The following MYBPC1 variants were observed in gnomAD, a reference collection of about 807,000 sequenced individuals.
MYBPC1 encodes the protein myosin-binding protein C, slow-type.
MYBPC1 carries 52 observed loss-of-function variants against 147.1 expected under a neutral mutation model. The observed-to-expected ratio is 0.35, with a 90% confidence interval of 0.28 to 0.45. The LOEUF (loss-of-function observed/expected upper bound fraction) is 0.45, where lower values mean the gene tolerates loss of function less well. MYBPC1 is among the 20% of genes least tolerant of loss of function. The pLI, the probability that MYBPC1 is intolerant of heterozygous loss-of-function variation, is 1.00. For synonymous variants in MYBPC1, 477 were observed against 475.9 expected (o/e 1.00, Z -0.03); for missense variants, 1,228 against 1,440.3 (o/e 0.85, Z 2.39).
intron 2 of MYBPC1, among the ~76,000 whole-genome samples, chr12:101,615,475 T>A (rs1251484921): frequency 6.6e-6 from 1 of 152,150 alleles, no homozygotes; most frequent in Non-Finnish European, 1.5e-5. Flanking sequence ...GACATACCTA[T>A]CATGTACGTA....
intron 20 of MYBPC1, among the ~76,000 whole-genome samples, chr12:101,661,916 G>GAAAGAAAGA (rs34570818): frequency 0.19 from 23,323 of 123,560 alleles, 2,276 homozygotes; most frequent in Middle Eastern, 0.28. Flanking sequence ...AAAAAAAAAA[G>GAAAGAAAGA]AAAGAAAAAA....
In MYBPC1 at chr12:101,624,087, A is replaced by G. The variant is rs80217229; in HGVS notation, c.104-2785A>G. On this transcript the variant is annotated intron_variant, in intron 3 of 31. Coordinates refer to ENST00000361466, the MANE Select transcript of MYBPC1 (RefSeq NM_002465.4). ...TTGAGATATCCTGCAGTAAACACAT[A>G]AACACAAAACAATAAAATACAAGCA... is the stretch of plus-strand genomic sequence containing the variant. Among the ~76,000 whole-genome samples, 520 of 152,296 alleles carry G rather than the reference A, an allele frequency of 3.4e-3. 9 individuals carry two copies. In the East Asian group the frequency reaches 0.044, roughly 13 times the overall value.
intron 3 of MYBPC1, among the ~76,000 whole-genome samples, chr12:101,621,443 G>A (rs1315437865): frequency 6.6e-6 from 1 of 152,154 alleles, no homozygotes; most frequent in Admixed American, 6.5e-5. Flanking sequence ...TTAACCGAAT[G>A]CCTCAAAACA....
At chr12:101,606,109 C>A (rs1882042081) in intron 1 of MYBPC1, among the ~76,000 whole-genome samples, 1 of 151,770 alleles carries the variant, frequency 6.6e-6, no homozygotes, top group African/African-American at 2.4e-5. Flanking sequence ...GGAAGATCAT[C>A]TGAGCCTGGG....
intron 10 of MYBPC1, among the ~76,000 whole-genome samples, chr12:101,638,420 C>T (rs1891413907): frequency 6.6e-6 from 1 of 152,044 alleles, no homozygotes; most frequent in Admixed American, 6.6e-5. Flanking sequence ...AATATTTGAC[C>T]CCTCTGAGAC....
chr12:101,680,427 C>G lies in MYBPC1; in HGVS notation c.3331C>G (p.Leu1111Val). 3 of 1,614,092 alleles carry G rather than the reference C, an allele frequency of 1.9e-6. 1 individual carries two copies. In the South Asian group the frequency reaches 3.3e-5, roughly 18 times the overall value. ...GTTCAGCAACCAGGGAGTCTGTACC[C>G]TGGAAATTCGCAAGCCCAGCCCCTA... ...RMFSNQGVCT[L>V]EIRKPSPYDG... Residue 1111 changes from leucine (L) to valine (V), a missense_variant, in exon 29 of 32, where the codon CTG becomes GTG. Physicochemically the swap from Leu to Val is conservative, Grantham distance 32. Coordinates refer to ENST00000361466, the MANE Select transcript of MYBPC1 (RefSeq NM_002465.4).
Position 101,669,078 on chromosome 12 carries a change from C to A in MYBPC1, c.2524+1179C>A, listed in dbSNP as rs566019511. Reference sequence around the variant, plus strand: ...CTTCAGCCTGGGTGACAGAGCAAGACCTTGTCTCAAATAAAACAAAACAAG... The same window carrying A: ...CTTCAGCCTGGGTGACAGAGCAAGAACTTGTCTCAAATAAAACAAAACAAG... On this transcript the variant is annotated intron_variant, in intron 23 of 31. Coordinates refer to ENST00000361466, the MANE Select transcript of MYBPC1 (RefSeq NM_002465.4). 3.3e-5 allele frequency among the ~76,000 whole-genome samples: 5 copies of A among 152,202 alleles called. No individual in the cohort carries two copies. In the East Asian group the frequency reaches 7.8e-4, roughly 24 times the overall value.
intron 4 of MYBPC1, 66 bp from the exon 5 acceptor site, chr12:101,627,703 A>G: frequency 6.4e-7 from 1 of 1,558,384 alleles, no homozygotes; most frequent in African/African-American, 1.4e-5. Context: ...AGAAGGTTGA[A>G]GTCAGCACTC....
rs144581349 is a variant in MYBPC1 at position 101,678,690 on chromosome 12, C to A, written c.3246+452C>A. ...TACAGTGTGCTAAGAAGGGAGCTAT[C>A]ATATCCAGTTGAAGAGATTAGAAAG... On this transcript the variant is annotated intron_variant, in intron 28 of 31. Coordinates refer to ENST00000361466, the MANE Select transcript of MYBPC1 (RefSeq NM_002465.4). Among the ~76,000 whole-genome samples, 139 of 152,298 alleles carry A rather than the reference C, an allele frequency of 9.1e-4. 1 individual carries two copies. The East Asian group carries it at 0.011, about 12-fold the overall frequency.
intron 26 of MYBPC1, among the ~76,000 whole-genome samples, chr12:101,676,603 T>C (rs1900040634): frequency 6.6e-6 from 1 of 151,486 alleles, no homozygotes; most frequent in South Asian, 2.1e-4. Context: ...AAAAATAAAT[T>C]AGCTGGGTGT....
At chr12:101,613,799 G>A (rs1212950475) in intron 1 of MYBPC1, among the ~76,000 whole-genome samples, 5 of 151,470 alleles carry the variant, frequency 3.3e-5, no homozygotes, top group Admixed American at 3.3e-4. Flanking sequence ...TCTACTCCAA[G>A]CACGTATGCT....
intron 31 of MYBPC1, among the ~76,000 whole-genome samples, chr12:101,684,964 T>C (rs1422397907): frequency 6.6e-6 from 1 of 152,192 alleles, no homozygotes; most frequent in East Asian, 1.9e-4. Context: ...TTTTTTAATA[T>C]AATTCAGAAA....
At position 101,606,203 on chromosome 12, in the gene MYBPC1, AACACACACACACACACAC is replaced by A. The variant is rs113061042; in HGVS notation, c.26-8277_26-8260del. 9.6e-5 allele frequency among the ~76,000 whole-genome samples: 14 copies of A among 145,904 alleles called. 1 individual carries two copies. The highest frequency in any genetic ancestry group is 6.2e-4 in the Admixed American group (9 of 14,544). On this transcript the variant is annotated intron_variant, in intron 1 of 31. Transcript: ENST00000361466. The stretch of plus-strand genomic sequence containing the variant: ...ATGAGACCTTTCTTCTCAAAAAAGA[AACACACACACACACACAC>A]ACACACACACACACAAGAATGCACA...
intron 19 of MYBPC1, among the ~76,000 whole-genome samples, chr12:101,660,812 A>C (rs1274204361): frequency 1.3e-5 from 2 of 152,186 alleles, no homozygotes; most frequent in African/African-American, 4.8e-5. Flanking sequence ...GACAAGAGAG[A>C]GAGAATGAGA....
chr12:101,676,644 G>T (rs1289321295), intron 26 of MYBPC1, among the ~76,000 whole-genome samples: 1 of 152,018 alleles, frequency 6.6e-6, no homozygotes, highest in East Asian at 1.9e-4. Flanking sequence ...CCAGTTACTC[G>T]GGAGGCTGAG....
chr12:101,673,968 G>C (rs903810958), intron 25 of MYBPC1, among the ~76,000 whole-genome samples: 6 of 152,064 alleles, frequency 3.9e-5, no homozygotes, highest in African/African-American at 1.2e-4. Flanking sequence ...CAGGAGAATC[G>C]CTTGAACCTG....
At chr12:101,649,055 C>T (rs1288991047) in intron 14 of MYBPC1, among the ~76,000 whole-genome samples, 1 of 152,168 alleles carries the variant, frequency 6.6e-6, no homozygotes, top group East Asian at 1.9e-4. Flanking sequence ...GTTCTTTTAA[C>T]ACAATTTTGT....
chr12:101,655,382 T>C (rs1035390239), intron 18 of MYBPC1, among the ~76,000 whole-genome samples: 1 of 152,110 alleles, frequency 6.6e-6, no homozygotes, highest in Admixed American at 6.5e-5. Flanking sequence ...TAATTAGACA[T>C]TGAAGGCAAA....
rs138050821 is a variant in MYBPC1, at chr12:101,663,409, T to C, written c.2222-17T>C. The C allele has an allele frequency of 5.8e-4, 931 of 1,608,998 alleles. 4 individuals carry two copies. The African/African-American group carries it at 9.4e-3, about 16-fold the overall frequency. On this transcript the variant is annotated splice_polypyrimidine_tract_variant and intron_variant, in intron 21 of 31. Transcript: ENST00000361466. ...GTAGTAAATAGTTTATTCTTTTCTG[T>C]CTCTTTTATCTTTAAGCTGTAACAA...
Sources: gnomAD v4.1 joint callset for allele counts (sites outside exome capture counted in the v4.1 genomes callset) on GRCh38, gnomAD v4.1.1 for gene constraint, MANE v1.5 for transcripts, NCBI Gene and HGNC (gene_info 2026-07-23, HGNC 2026-07-21) for gene names.